The following ENTREP2 variants were observed in gnomAD, a reference collection of about 807,000 sequenced individuals.
The protein encoded by ENTREP2 is protein ENTREP2.
At chr15:29,512,024 C>T in the ENTREP2 span, among the ~76,000 whole-genome samples, 1 of 151,430 alleles carries the variant, frequency 6.6e-6, no homozygotes, top group South Asian at 2.1e-4. Context: ...TGCTTTGGCT[C>T]ATCTGTATTT....
the ENTREP2 span, among the ~76,000 whole-genome samples, chr15:29,511,610 AG>A: frequency 1.2e-3 from 175 of 151,826 alleles, no homozygotes; most frequent in African/African-American, 3.9e-3. Context: ...TACAGGCGTG[AG>A]CCACCACACC....
At chr15:29,201,117 C>T in the ENTREP2 span, among the ~76,000 whole-genome samples, 1 of 152,234 alleles carries the variant, frequency 6.6e-6, no homozygotes, top group African/African-American at 2.4e-5. Flanking sequence ...TATCCTACAA[C>T]TTTGCTGAAC....
the ENTREP2 span, among the ~76,000 whole-genome samples, chr15:29,435,692 A>ATG: frequency 6.6e-6 from 1 of 151,838 alleles, no homozygotes; most frequent in Non-Finnish European, 1.5e-5. Flanking sequence ...ACACATATAT[A>ATG]TGTATATATA....
chr15:29,392,966 G>C, the ENTREP2 span, among the ~76,000 whole-genome samples: 1 of 152,200 alleles, frequency 6.6e-6, no homozygotes, highest in African/African-American at 2.4e-5. Flanking sequence ...CACTTGTTTA[G>C]AAAAGTTCAG....
At chr15:29,316,883 G>A in the ENTREP2 span, among the ~76,000 whole-genome samples, 1 of 152,114 alleles carries the variant, frequency 6.6e-6, no homozygotes, top group Non-Finnish European at 1.5e-5. Context: ...ATTAGTATAT[G>A]ATAAAGAGGT....
At chr15:29,473,306 C>A in the ENTREP2 span, among the ~76,000 whole-genome samples, 2 of 151,962 alleles carry the variant, frequency 1.3e-5, no homozygotes, top group Non-Finnish European at 2.9e-5. Flanking sequence ...AATGTGCCCT[C>A]TTCTATAGCT....
the ENTREP2 span, among the ~76,000 whole-genome samples, chr15:29,319,526 G>A: frequency 1.3e-5 from 2 of 152,216 alleles, no homozygotes; most frequent in East Asian, 1.9e-4. Flanking sequence ...ACCACTGGGT[G>A]AGAAATTCAT....
the ENTREP2 span, among the ~76,000 whole-genome samples, chr15:29,570,959 G>A: frequency 3.5e-5 from 5 of 144,758 alleles, no homozygotes; most frequent in African/African-American, 7.4e-5. Context: ...CCCGCCCGCC[G>A]GCCGCGCCGC....
chr15:29,570,807 G>C, the ENTREP2 span: 1 of 508,086 alleles, frequency 2.0e-6, no homozygotes, highest in Non-Finnish European at 2.5e-6. Flanking sequence ...TCCGAGGCAA[G>C]TTGCGCCGGG....
At chr15:29,426,647 C>T in the ENTREP2 span, among the ~76,000 whole-genome samples, 9 of 152,156 alleles carry the variant, frequency 5.9e-5, no homozygotes, top group Non-Finnish European at 1.2e-4. Flanking sequence ...GTAACATTTT[C>T]GTGTCCTCCG....
chr15:29,630,027 G>A, the ENTREP2 span, among the ~76,000 whole-genome samples: 1 of 152,158 alleles, frequency 6.6e-6, no homozygotes, highest in Non-Finnish European at 1.5e-5. Flanking sequence ...TGAGGCAGCA[G>A]AACGCTTGAA....
chr15:29,471,496 G>A, the ENTREP2 span, among the ~76,000 whole-genome samples: 2 of 152,038 alleles, frequency 1.3e-5, no homozygotes, highest in Non-Finnish European at 2.9e-5. Flanking sequence ...GAGGCGCCGG[G>A]ATAACAGAGA....
chr15:29,413,683 A>T, the ENTREP2 span, among the ~76,000 whole-genome samples: 1 of 152,142 alleles, frequency 6.6e-6, no homozygotes, highest in Non-Finnish European at 1.5e-5. Flanking sequence ...TCTTCCTACC[A>T]AATTTTCTTA....
the ENTREP2 span, among the ~76,000 whole-genome samples, chr15:29,139,836 C>T: frequency 1.3e-5 from 2 of 152,178 alleles, no homozygotes; most frequent in Non-Finnish European, 2.9e-5. Flanking sequence ...CCCTCTCTTC[C>T]CCACCATCAG....
chr15:29,483,726 T>C, the ENTREP2 span, among the ~76,000 whole-genome samples: 1 of 152,364 alleles, frequency 6.6e-6, no homozygotes, highest in African/African-American at 2.4e-5. Flanking sequence ...TCTAATTTGG[T>C]TGATCTCCTT....
At chr15:29,420,583 G>T in the ENTREP2 span, among the ~76,000 whole-genome samples, 1 of 152,180 alleles carries the variant, frequency 6.6e-6, no homozygotes, top group Non-Finnish European at 1.5e-5. Flanking sequence ...AAAATTAGAC[G>T]TGTAAAAATT....
At chr15:29,227,001 C>G in the ENTREP2 span, among the ~76,000 whole-genome samples, 1 of 152,204 alleles carries the variant, frequency 6.6e-6, no homozygotes, top group Non-Finnish European at 1.5e-5. Flanking sequence ...GAGAGAGCAG[C>G]GTCTGCTGTG....
the ENTREP2 span, among the ~76,000 whole-genome samples, chr15:29,491,093 C>T: frequency 2.4e-4 from 37 of 152,340 alleles, no homozygotes; most frequent in East Asian, 6.8e-3. Context: ...GGAGACCCAG[C>T]GCCCCCTCCA....
At chr15:29,422,315 T>A in the ENTREP2 span, among the ~76,000 whole-genome samples, 1 of 152,006 alleles carries the variant, frequency 6.6e-6, no homozygotes, top group African/African-American at 2.4e-5. Flanking sequence ...AATGAGGACA[T>A]GGCCACTGAC....
Sources: gnomAD v4.1 joint callset for allele counts (sites outside exome capture counted in the v4.1 genomes callset) on GRCh38, gnomAD v4.1.1 for gene constraint, MANE v1.5 for transcripts, NCBI Gene and HGNC (gene_info 2026-07-23, HGNC 2026-07-21) for gene names.